Variants in PXDNL observed in about 807,000 individuals in gnomAD.
The protein encoded by PXDNL is peroxidasin like.
PXDNL carries 145 observed loss-of-function variants against 150.8 expected under a neutral mutation model. The ratio of observed to expected loss-of-function variants is 0.96; its 90% CI spans 0.84 to 1.10. PXDNL has a LOEUF of 1.10. Ranked by LOEUF, PXDNL falls within the 50% of genes least tolerant of loss-of-function variation. PXDNL has a pLI of 0.00. For missense variants in PXDNL, 2,087 were observed against 1,873.9 expected (o/e 1.11, Z -2.10); for synonymous variants, 757 against 725.7 (o/e 1.04, Z -0.69).
intron 2 of PXDNL, among the ~76,000 whole-genome samples, chr8:51,610,760 T>C (rs545138394): frequency 1.3e-5 from 2 of 152,318 alleles, no homozygotes; most frequent in South Asian, 2.1e-4. Context: ...TTCAGGACTT[T>C]GCAGCTGGAG....
At chr8:51,450,940 C>T (rs1809794570) in intron 10 of PXDNL, among the ~76,000 whole-genome samples, 1 of 151,978 alleles carries the variant, frequency 6.6e-6, no homozygotes, top group Non-Finnish European at 1.5e-5. Context: ...CCCAAAATTA[C>T]TAGGAACAAC....
chr8:51,809,399 G>A lies in PXDNL; in HGVS notation c.-55C>T, dbSNP rs2037712020. On this transcript the variant is annotated 5_prime_UTR_variant, in exon 1 of 23. Transcript: ENST00000356297. ...AGCAGCCGGAGGGAGAGCAGCAGCT[G>A]CAGCTGCAGCAGCAACCGCAGTGGT... 6.9e-7 allele frequency: 1 copy of A among 1,456,546 alleles called. No homozygotes were observed. Among genetic ancestry groups the A allele is most frequent in the Non-Finnish European group, 9.1e-7 (1 of 1,100,140 alleles). 90.2% of individuals were successfully genotyped at this position (1,456,546 alleles called of 1,614,324 possible).
chr8:51,653,552 C>G (rs1438683479), intron 2 of PXDNL, among the ~76,000 whole-genome samples: 2 of 152,174 alleles, frequency 1.3e-5, no homozygotes, highest in Non-Finnish European at 2.9e-5. Flanking sequence ...GTACATTGCA[C>G]TTTGATAATC....
intron 5 of PXDNL, among the ~76,000 whole-genome samples, chr8:51,491,807 C>A (rs1810902325): frequency 6.6e-6 from 1 of 152,222 alleles, no homozygotes; most frequent in African/African-American, 2.4e-5. Flanking sequence ...GAAATTTCCC[C>A]CAAATTAAAG....
At chr8:51,397,226 T>A (rs948693209) in intron 17 of PXDNL, among the ~76,000 whole-genome samples, 26 of 152,358 alleles carry the variant, frequency 1.7e-4, no homozygotes, top group African/African-American at 6.0e-4. Flanking sequence ...TTTAGTACCT[T>A]AGCTAGAAAT....
At chr8:51,601,662 T>A (rs2130684961) in intron 2 of PXDNL, among the ~76,000 whole-genome samples, 1 of 152,172 alleles carries the variant, frequency 6.6e-6, no homozygotes, top group Non-Finnish European at 1.5e-5. Context: ...TCTTCTTTTT[T>A]TATCCAACTT....
intron 3 of PXDNL, among the ~76,000 whole-genome samples, chr8:51,572,771 G>A (rs1812974822): frequency 6.6e-6 from 1 of 151,848 alleles, no homozygotes; most frequent in Non-Finnish European, 1.5e-5. Flanking sequence ...TTGGACAGCT[G>A]TGATTATTAA....
intron 1 of PXDNL, among the ~76,000 whole-genome samples, chr8:51,685,866 T>C (rs1815862201): frequency 6.6e-6 from 1 of 152,212 alleles, no homozygotes; most frequent in East Asian, 1.9e-4. Flanking sequence ...TCTGTTACGT[T>C]TTCCATTACA....
chr8:51,635,691 T>A (rs1215869716), intron 2 of PXDNL, among the ~76,000 whole-genome samples: 1 of 152,000 alleles, frequency 6.6e-6, no homozygotes, highest in Non-Finnish European at 1.5e-5. Context: ...GAAGTACTTT[T>A]TAAGAGATTG....
intron 1 of PXDNL, among the ~76,000 whole-genome samples, chr8:51,708,569 C>A (rs1297757245): frequency 6.6e-6 from 1 of 152,080 alleles, no homozygotes; most frequent in African/African-American, 2.4e-5. Context: ...GGAGTACAGG[C>A]TGAAATTCAA....
intron 1 of PXDNL, among the ~76,000 whole-genome samples, chr8:51,730,283 T>C (rs912374170): frequency 6.6e-6 from 1 of 152,244 alleles, no homozygotes; most frequent in Admixed American, 6.5e-5. Context: ...TAATAAAGTC[T>C]GCTTTAAAGT....
chr8:51,446,866 T>G, intron 12 of PXDNL, 138 bp downstream of exon 12: 1 of 513,000 alleles, frequency 1.9e-6, no homozygotes. Flanking sequence ...GAAGAAGATA[T>G]CAAATTTGCA....
chr8:51,752,214 G>A (rs1407052423), intron 1 of PXDNL, among the ~76,000 whole-genome samples: 1 of 152,166 alleles, frequency 6.6e-6, no homozygotes, highest in Non-Finnish European at 1.5e-5. Flanking sequence ...AGGTGCTGGG[G>A]TGATTACCCT....
At chr8:51,471,942 G>A (rs79418031) in intron 8 of PXDNL, among the ~76,000 whole-genome samples, 23,863 of 151,964 alleles carry the variant, frequency 0.16, 2,054 homozygotes, top group African/African-American at 0.2. Flanking sequence ...CGCCCACCTC[G>A]GCCTCCCAAA....
chr8:51,343,769 G>A (rs1290270389), intron 20 of PXDNL, among the ~76,000 whole-genome samples: 1 of 152,132 alleles, frequency 6.6e-6, no homozygotes, highest in African/African-American at 2.4e-5. Flanking sequence ...CAATATTTGA[G>A]TCCGGTACCC....
At chr8:51,768,375 A>G (rs1585735794) in intron 1 of PXDNL, among the ~76,000 whole-genome samples, 1 of 152,276 alleles carries the variant, frequency 6.6e-6, no homozygotes. Flanking sequence ...TTCAAGGTAA[A>G]CAGCTAGTTG....
At chr8:51,421,630 C>T (rs997313547) in intron 14 of PXDNL, among the ~76,000 whole-genome samples, 1 of 152,098 alleles carries the variant, frequency 6.6e-6, no homozygotes, top group Non-Finnish European at 1.5e-5. Context: ...ACCCGAGAGT[C>T]GGAAGTTGCA....
intron 1 of PXDNL, among the ~76,000 whole-genome samples, chr8:51,767,973 C>G (rs2037249879): frequency 6.6e-6 from 1 of 152,136 alleles, no homozygotes; most frequent in Non-Finnish European, 1.5e-5. Flanking sequence ...AATCATTGTT[C>G]TTTGTTTAGG....
intron 3 of PXDNL, among the ~76,000 whole-genome samples, chr8:51,565,282 C>CTAAATAAATAAATAAATAAATAAA (rs60659791): frequency 7.5e-6 from 1 of 132,524 alleles, no homozygotes; most frequent in East Asian, 2.2e-4. Flanking sequence ...ATATCTTTTC[C>CTAAATAAATAAATAAATAAATAAA]TAAATAAATA....
Sources: allele counts gnomAD v4.1 joint callset (sites outside exome capture counted in the v4.1 genomes callset), GRCh38; gene constraint gnomAD v4.1.1; transcripts MANE v1.5; gene names NCBI Gene and HGNC (gene_info 2026-07-23, HGNC 2026-07-21).